PHACTR1: variants seen among roughly 807,000 people sequenced by gnomAD.
The protein encoded by PHACTR1 is RPEL repeat containing 1.
In PHACTR1, 16 loss-of-function variants were observed where a neutral mutation model predicts 69.2. That is an observed-to-expected ratio of 0.23 (90% CI 0.16 to 0.35). The LOEUF is 0.35. Among genes scored for constraint, PHACTR1 ranks in the 10% least tolerant of loss-of-function variants. PHACTR1 has a pLI of 1.00. For synonymous variants in PHACTR1, 312 were observed against 284.5 expected (o/e 1.10, Z -0.97); for missense variants, 510 against 734.7 (o/e 0.69, Z 3.54).
Position 13,165,678 on chromosome 6 carries a change from G to A in PHACTR1, c.496+5394G>A, listed in dbSNP as rs190161549. Among the ~76,000 whole-genome samples the A allele has an allele frequency of 2.6e-5, 4 of 152,246 alleles. No homozygotes were observed. In the East Asian group the frequency reaches 5.8e-4, roughly 22 times the overall value. On this transcript the variant is annotated intron_variant, in intron 6 of 14. Coordinates refer to ENST00000332995, the MANE Select transcript of PHACTR1 (RefSeq NM_030948.6). ...GATTTTAGGTCAATGCAATCATGGA[G>A]GACCTCTTGTGGGAGGTGATATTTT...
At chr6:12,835,991 A>G (rs889817632) in intron 4 of PHACTR1, among the ~76,000 whole-genome samples, 1 of 152,218 alleles carries the variant, frequency 6.6e-6, no homozygotes, top group South Asian at 2.1e-4. Context: ...TTAAATCCTC[A>G]GTGTGCCCAC....
chr6:13,204,217 GT>G, intron 7 of PHACTR1, among the ~76,000 whole-genome samples: 1 of 152,152 alleles, frequency 6.6e-6, no homozygotes, highest in East Asian at 1.9e-4. Flanking sequence ...CCATGGATGG[GT>G]TTTAAACTGG....
chr6:12,750,782 C>A lies in PHACTR1; in HGVS notation c.250+992C>A, dbSNP rs73358040. ...GTTCACCACTAACTTCATAGCTCTG[C>A]CTTTTCTGAATGACTCCTAAGCTTC... On this transcript the variant is annotated intron_variant, in intron 4 of 14. Coordinates refer to ENST00000332995, the MANE Select transcript of PHACTR1 (RefSeq NM_030948.6). 6.4e-3 allele frequency among the ~76,000 whole-genome samples: 981 copies of A among 152,298 alleles called. 10 individuals carry two copies. The highest frequency in any genetic ancestry group is 0.022 in the African/African-American group (899 of 41,548).
chr6:13,032,391 T>C (rs538013224), intron 4 of PHACTR1, among the ~76,000 whole-genome samples: 1 of 152,308 alleles, frequency 6.6e-6, no homozygotes, highest in South Asian at 2.1e-4. Flanking sequence ...GCAGAAGACC[T>C]ATATAAACAA....
chr6:13,022,771 C>A (rs1448390948), intron 4 of PHACTR1, among the ~76,000 whole-genome samples: 2 of 152,084 alleles, frequency 1.3e-5, no homozygotes, highest in African/African-American at 2.4e-5. Context: ...TAATCCAGCA[C>A]CTTGGGAGGC....
rs533330849 is a variant in PHACTR1, at chr6:13,182,609, A to G, written c.587A>G (p.Glu196Gly). The change falls in exon 7 of 15, where the codon GAA (glutamate) becomes GGA (glycine). Residue 196 changes from glutamate to glycine, a missense_variant. Physicochemically the swap from Glu to Gly is moderately conservative, Grantham distance 98. This residue lies in a region of PHACTR1 where 419 missense variants were observed against 530.9 expected (regional missense o/e 0.79). Transcript: ENST00000332995. ...SSQLSLPALS[E>G]MEPVPMPRDP... ...CAGCTGTCTCTGCCTGCCCTGTCCG[A>G]AATGGAGCCAGTCCCAATGCCCAGG... is the stretch of plus-strand genomic sequence containing the variant. 2 of 1,612,422 alleles carry G rather than the reference A, an allele frequency of 1.2e-6. No individual in the cohort carries two copies. Among genetic ancestry groups the G allele is most frequent in the Non-Finnish European group, 1.7e-6 (2 of 1,179,228 alleles).
At chr6:12,794,399 G>A (rs557232585) in intron 4 of PHACTR1, among the ~76,000 whole-genome samples, 1 of 152,360 alleles carries the variant, frequency 6.6e-6, no homozygotes, top group African/African-American at 2.4e-5. Flanking sequence ...CAGGCAGACA[G>A]GGTAAGGAGG....
At chr6:13,219,794 T>C (rs1244615413) in intron 8 of PHACTR1, among the ~76,000 whole-genome samples, 1 of 152,232 alleles carries the variant, frequency 6.6e-6, no homozygotes, top group Non-Finnish European at 1.5e-5. Context: ...AAAAATATTA[T>C]AGTCCACGGT....
intron 6 of PHACTR1, among the ~76,000 whole-genome samples, chr6:13,173,602 T>A (rs897464580): frequency 2.0e-5 from 3 of 152,228 alleles, no homozygotes; most frequent in Non-Finnish European, 4.4e-5. Flanking sequence ...TCATTTTACG[T>A]CATTTTACTG....
At chr6:13,026,641 A>T (rs1035070965) in intron 4 of PHACTR1, among the ~76,000 whole-genome samples, 12 of 152,158 alleles carry the variant, frequency 7.9e-5, no homozygotes, top group Admixed American at 1.3e-4. Flanking sequence ...ATGGAGGACC[A>T]AACAGGCATG....
chr6:13,097,661 C>T lies in PHACTR1; in HGVS notation c.415+44132C>T, dbSNP rs536248680. Reference sequence around the variant, plus strand: ...TCCCATTCAACCATGGCACATTGCCCTACTGCAAACTTGGCAGCCTCAGTG... The same window carrying T: ...TCCCATTCAACCATGGCACATTGCCTTACTGCAAACTTGGCAGCCTCAGTG... On this transcript the variant is annotated intron_variant, in intron 5 of 14. Coordinates refer to ENST00000332995, the MANE Select transcript of PHACTR1 (RefSeq NM_030948.6). 1.8e-3 allele frequency among the ~76,000 whole-genome samples: 267 copies of T among 152,308 alleles called. 1 individual carries two copies. Among genetic ancestry groups the T allele is most frequent in the African/African-American group, 6.2e-3 (257 of 41,570 alleles).
intron 4 of PHACTR1, among the ~76,000 whole-genome samples, chr6:12,762,440 G>C (rs377378689): frequency 4.9e-4 from 75 of 152,186 alleles, no homozygotes; most frequent in African/African-American, 1.6e-3. Flanking sequence ...CATAAATAAC[G>C]CTTGTTTAAT....
chr6:12,891,478 A>C (rs1164832962), intron 4 of PHACTR1, among the ~76,000 whole-genome samples: 2 of 152,214 alleles, frequency 1.3e-5, no homozygotes, highest in African/African-American at 4.8e-5. Context: ...ATCATGAGGA[A>C]ACAAAGAAAT....
chr6:12,829,704 C>T (rs1282366957), intron 4 of PHACTR1, among the ~76,000 whole-genome samples: 1 of 151,694 alleles, frequency 6.6e-6, no homozygotes, highest in Non-Finnish European at 1.5e-5. Flanking sequence ...CCTGTAATCC[C>T]AGCACTTTGG....
chr6:12,843,102 A>T (rs1229266187), intron 4 of PHACTR1, among the ~76,000 whole-genome samples: 1 of 152,190 alleles, frequency 6.6e-6, no homozygotes, highest in African/African-American at 2.4e-5. Context: ...TGTGGGAACT[A>T]GGACTCTTTT....
intron 4 of PHACTR1, among the ~76,000 whole-genome samples, chr6:12,996,163 T>C (rs1425778235): frequency 2.0e-5 from 3 of 151,932 alleles, no homozygotes; most frequent in Non-Finnish European, 4.4e-5. Context: ...ACTCAATAAA[T>C]ATGAAAAGAT....
At chr6:13,235,497 C>T (rs113731166) in intron 10 of PHACTR1, among the ~76,000 whole-genome samples, 74 of 152,330 alleles carry the variant, frequency 4.9e-4, no homozygotes, top group African/African-American at 1.6e-3. Context: ...AGGGCGACCT[C>T]GTGATCTGCC....
chr6:12,939,717 G>A (rs573343249), intron 4 of PHACTR1, among the ~76,000 whole-genome samples: 14 of 152,004 alleles, frequency 9.2e-5, no homozygotes, highest in African/African-American at 3.4e-4. Flanking sequence ...AGCTAGGGGG[G>A]GCCAGAGGTG....
At chr6:12,797,769 TG>T (rs1773223271) in intron 4 of PHACTR1, among the ~76,000 whole-genome samples, 2 of 152,148 alleles carry the variant, frequency 1.3e-5, no homozygotes, top group African/African-American at 4.8e-5. Flanking sequence ...CATTCTTCCC[TG>T]GGGGTTTTGT....
Sources: gnomAD v4.1 joint callset for allele counts (sites outside exome capture counted in the v4.1 genomes callset) on GRCh38, gnomAD v4.1.1 for gene constraint, gnomAD v4.1.1 regional missense constraint, MANE v1.5 for transcripts, NCBI Gene and HGNC (gene_info 2026-07-23, HGNC 2026-07-21) for gene names.